Variants in PALLD observed in about 807,000 individuals in gnomAD.
PALLD encodes the protein palladin.
A neutral mutation model predicts 123.5 loss-of-function variants in PALLD; 61 were observed. The observed-to-expected ratio is 0.49, with a 90% CI of 0.40 to 0.61. The LOEUF (loss-of-function observed/expected upper bound fraction) is 0.61. Ranked by LOEUF, PALLD falls within the 20% of genes least tolerant of loss-of-function variation. PALLD has a pLI of 0.00. For synonymous variants in PALLD, 465 were observed against 496.4 expected (o/e 0.94, Z 0.84); for missense variants, 1,273 against 1,377.0 (o/e 0.92, Z 1.20).
intron 2 of PALLD, among the ~76,000 whole-genome samples, chr4:168,547,816 T>G (rs1317928123): frequency 2.6e-5 from 4 of 151,318 alleles, no homozygotes; most frequent in Admixed American, 6.6e-5. Context: ...CGTGGTGGCG[T>G]GCGCCTGTAG....
rs150242565 is a variant in PALLD, at chr4:168,850,824, G to A, written c.1965-40098G>A. On this transcript the variant is annotated intron_variant, in intron 10 of 21. Transcript: ENST00000505667. ...TGGAATTACAGGCATGAGCCACCGC[G>A]CCCAGCCTAAGTCTGTCATTTCTAA... Among the ~76,000 whole-genome samples the A allele has an allele frequency of 4.8e-3, 724 of 152,016 alleles. 6 individuals carry two copies. The highest frequency in any genetic ancestry group is 5.6e-3 in the Admixed American group (85 of 15,262).
At chr4:168,775,346 G>A (rs892261257) in intron 10 of PALLD, among the ~76,000 whole-genome samples, 1 of 152,084 alleles carries the variant, frequency 6.6e-6, no homozygotes. Flanking sequence ...ATCTACCTTG[G>A]TGAAGTGTTT....
intron 2 of PALLD, among the ~76,000 whole-genome samples, chr4:168,562,588 G>T (rs533943549): frequency 6.6e-6 from 1 of 152,336 alleles, no homozygotes; most frequent in East Asian, 1.9e-4. Flanking sequence ...AGGTGGTGTG[G>T]TCAGGGGAGA....
At chr4:168,761,021 C>G (rs926433555) in intron 10 of PALLD, among the ~76,000 whole-genome samples, 22 of 152,172 alleles carry the variant, frequency 1.4e-4, no homozygotes, top group African/African-American at 4.8e-4. Flanking sequence ...TTTTTGTTCT[C>G]AGTCGTTCTT....
At chr4:168,645,772 C>A (rs1299687644) in intron 2 of PALLD, among the ~76,000 whole-genome samples, 1 of 152,056 alleles carries the variant, frequency 6.6e-6, no homozygotes, top group East Asian at 1.9e-4. Flanking sequence ...CAGAGTGAGA[C>A]CATGAAACAG....
intron 2 of PALLD, among the ~76,000 whole-genome samples, chr4:168,634,544 T>C (rs1776147188): frequency 6.6e-6 from 1 of 152,230 alleles, no homozygotes; most frequent in South Asian, 2.1e-4. Context: ...ATGTGCTATC[T>C]CAGCGCAGAA....
intron 10 of PALLD, among the ~76,000 whole-genome samples, chr4:168,783,711 A>G (rs1195791928): frequency 2.0e-5 from 3 of 152,236 alleles, no homozygotes; most frequent in Admixed American, 6.5e-5. Context: ...CAAAGAATAT[A>G]TAAGTATTTG....
chr4:168,594,615 G>T (rs1473813724), intron 2 of PALLD, among the ~76,000 whole-genome samples: 1 of 152,108 alleles, frequency 6.6e-6, no homozygotes. Context: ...TGGGTCAAAT[G>T]ATCTAACCTC....
At chr4:168,507,325 T>C (rs968848829) in intron 1 of PALLD, 9 of 178,576 alleles carry the variant, frequency 5.0e-5, no homozygotes, top group African/African-American at 2.1e-4. Flanking sequence ...ATCTATCTTA[T>C]GGACCCTGGA....
At chr4:168,500,658 G>A (rs1220177983) in intron 1 of PALLD, among the ~76,000 whole-genome samples, 1 of 152,116 alleles carries the variant, frequency 6.6e-6, no homozygotes, top group Admixed American at 6.6e-5. Context: ...GTACAGATGT[G>A]AGCCACCATG....
chr4:168,836,653 C>T (rs1008972562), intron 10 of PALLD, among the ~76,000 whole-genome samples: 1 of 152,140 alleles, frequency 6.6e-6, no homozygotes, highest in Non-Finnish European at 1.5e-5. Flanking sequence ...ACTGCTGGAG[C>T]GCCACGCAGG....
intron 2 of PALLD, among the ~76,000 whole-genome samples, chr4:168,619,130 T>C (rs1353943173): frequency 6.6e-6 from 1 of 152,202 alleles, no homozygotes. Flanking sequence ...GAGGTCACCT[T>C]TCAGCAGGAG....
At chr4:168,658,290 T>TTTTTG (rs1778796250) in intron 2 of PALLD, among the ~76,000 whole-genome samples, 1 of 148,396 alleles carries the variant, frequency 6.7e-6, no homozygotes, top group Admixed American at 6.7e-5. Flanking sequence ...ATTTGGTTTT[T>TTTTTG]TTTTTTTTTT....
chr4:168,651,166 A>G (rs1778003153), intron 2 of PALLD, among the ~76,000 whole-genome samples: 1 of 152,228 alleles, frequency 6.6e-6, no homozygotes, highest in Non-Finnish European at 1.5e-5. Context: ...GAATCGCTAA[A>G]GAATTATTGC....
intron 2 of PALLD, among the ~76,000 whole-genome samples, chr4:168,608,662 G>T (rs978077623): frequency 5.9e-5 from 9 of 152,054 alleles, no homozygotes; most frequent in African/African-American, 2.2e-4. Context: ...GCTGTTTGTT[G>T]TTATTGCTGC....
chr4:168,519,811 A>G (rs7667629), intron 2 of PALLD, among the ~76,000 whole-genome samples: 112,619 of 152,124 alleles, frequency 0.74, 41,917 homozygotes, highest in East Asian at 0.86. Context: ...GACAATAGGA[A>G]CAAGCACACT....
chr4:168,909,539 G>A (rs973792472), intron 15 of PALLD, among the ~76,000 whole-genome samples: 2 of 152,232 alleles, frequency 1.3e-5, no homozygotes, highest in African/African-American at 4.8e-5. Flanking sequence ...TAAAATGTTA[G>A]TTTGTTGCTT....
chr4:168,662,538 G>A (rs1383475333), intron 2 of PALLD, among the ~76,000 whole-genome samples: 1 of 152,192 alleles, frequency 6.6e-6, no homozygotes, highest in Non-Finnish European at 1.5e-5. Flanking sequence ...AGGAAGAAGG[G>A]GGATAGTGTC....
At chr4:168,680,233 T>A (rs1013073189) in intron 3 of PALLD, among the ~76,000 whole-genome samples, 1 of 151,570 alleles carries the variant, frequency 6.6e-6, no homozygotes, top group Non-Finnish European at 1.5e-5. Flanking sequence ...ATCCCAGCAC[T>A]TTGGGAGGCC....
Sources: gnomAD v4.1 joint callset for allele counts (sites outside exome capture counted in the v4.1 genomes callset) on GRCh38, gnomAD v4.1.1 for gene constraint, MANE v1.5 for transcripts, NCBI Gene and HGNC (gene_info 2026-07-23, HGNC 2026-07-21) for gene names.